Variants in CEP112 observed in about 807,000 individuals in gnomAD.
CEP112 encodes centrosomal protein 112, also known as centrosomal protein of 112 kDa.
Under a neutral mutation model 153.0 loss-of-function variants are expected in CEP112, and 127 were observed. The observed-to-expected ratio is 0.83, with a 90% confidence interval of 0.72 to 0.96. The LOEUF (loss-of-function observed/expected upper bound fraction) is 0.96, where lower values mean the gene tolerates loss of function less well. Ranked by LOEUF, CEP112 falls within the 40% of genes least tolerant of loss-of-function variation. CEP112 has a pLI of 0.00. For synonymous variants in CEP112, 358 were observed against 374.4 expected (o/e 0.96, Z 0.51); for missense variants, 1,089 against 1,101.2 (o/e 0.99, Z 0.16).
At chr17:65,696,017 A>G (rs983271933) in intron 23 of CEP112, among the ~76,000 whole-genome samples, 1 of 152,216 alleles carries the variant, frequency 6.6e-6, no homozygotes, top group Non-Finnish European at 1.5e-5. Flanking sequence ...GCAAATCAAG[A>G]CAGAATCATC....
chr17:65,937,566 T>C (rs1319882871), intron 18 of CEP112, among the ~76,000 whole-genome samples: 7 of 45,134 alleles, frequency 1.6e-4, no homozygotes, highest in African/African-American at 2.1e-4. Context: ...GGGAGGGAGG[T>C]GGGGGGGGTC....
At chr17:65,636,827 G>T (rs576217486) in intron 26 of CEP112, 8 of 300,308 alleles carry the variant, frequency 2.7e-5, no homozygotes, top group Admixed American at 1.9e-4. Flanking sequence ...GGCCAGGCTG[G>T]TCTTGAACTC....
intron 21 of CEP112, among the ~76,000 whole-genome samples, chr17:65,835,756 T>C (rs1169227539): frequency 6.6e-6 from 1 of 152,110 alleles, no homozygotes; most frequent in Admixed American, 6.5e-5. Context: ...AATGCTAACA[T>C]GTAACAAGAA....
intron 21 of CEP112, among the ~76,000 whole-genome samples, chr17:65,783,925 C>G (rs2054133545): frequency 6.6e-6 from 1 of 152,202 alleles, no homozygotes; most frequent in Non-Finnish European, 1.5e-5. Context: ...TGAAGTTAAA[C>G]CAACCTGGGT....
At chr17:65,761,788 A>G (rs1030609028) in intron 21 of CEP112, among the ~76,000 whole-genome samples, 1 of 152,090 alleles carries the variant, frequency 6.6e-6, no homozygotes, top group Admixed American at 6.6e-5. Flanking sequence ...TAAATTTGTT[A>G]AGATACGTTT....
At chr17:65,761,734 T>A (rs1185070272) in intron 21 of CEP112, among the ~76,000 whole-genome samples, 1 of 152,118 alleles carries the variant, frequency 6.6e-6, no homozygotes, top group Admixed American at 6.6e-5. Context: ...CTAGTTTAGT[T>A]CCATTGTGGT....
At chr17:65,813,160 T>C (rs929077282) in intron 21 of CEP112, among the ~76,000 whole-genome samples, 1 of 152,164 alleles carries the variant, frequency 6.6e-6, no homozygotes, top group Non-Finnish European at 1.5e-5. Context: ...CTGGTGTCTC[T>C]CCAGGGGCAA....
At chr17:65,691,786 T>C (rs913576905) in intron 23 of CEP112, among the ~76,000 whole-genome samples, 1 of 152,214 alleles carries the variant, frequency 6.6e-6, no homozygotes, top group Non-Finnish European at 1.5e-5. Flanking sequence ...TAATGATTAC[T>C]GTATTGGGAA....
At chr17:65,991,220 C>T (rs1182661545) in intron 17 of CEP112, among the ~76,000 whole-genome samples, 1 of 152,116 alleles carries the variant, frequency 6.6e-6, no homozygotes, top group Admixed American at 6.5e-5. Context: ...TACTTTTAAT[C>T]GAACTTTGAT....
rs949554389 is a variant in CEP112, at chr17:65,635,645, C to T, written c.*326G>A. 3 of 373,524 alleles carry T rather than the reference C, an allele frequency of 8.0e-6. No homozygotes were observed. The highest frequency in any genetic ancestry group is 6.2e-5 in the African/African-American group (3 of 48,032). 23.1% of individuals were successfully genotyped at this position (373,524 alleles called of 1,614,324 possible). A position where few individuals can be genotyped will look rare whatever the true frequency, so the allele number is the denominator to read the frequency against. The stretch of plus-strand genomic sequence containing the variant: ...CTACAAACGTGATTTTGATCGTACG[C>T]AACTGGTAAAATTCTATGCAAAAGG... On this transcript the variant is annotated 3_prime_UTR_variant, in exon 27 of 27. Coordinates refer to ENST00000535342, the MANE Select transcript of CEP112 (RefSeq NM_001199165.4).
At chr17:65,882,906 C>A (rs1478014829) in intron 20 of CEP112, among the ~76,000 whole-genome samples, 2 of 152,128 alleles carry the variant, frequency 1.3e-5, no homozygotes, top group African/African-American at 2.4e-5. Context: ...TGACCCTACT[C>A]AACTCTTAGT....
chr17:65,702,812 GA>G (rs2048707547), intron 23 of CEP112, among the ~76,000 whole-genome samples: 3 of 152,150 alleles, frequency 2.0e-5, no homozygotes, highest in Non-Finnish European at 1.5e-5. Flanking sequence ...GGCAGGCAAA[GA>G]GACAGAATGT....
At chr17:65,776,004 T>C (rs1216117942) in intron 21 of CEP112, among the ~76,000 whole-genome samples, 1 of 152,226 alleles carries the variant, frequency 6.6e-6, no homozygotes, top group Admixed American at 6.5e-5. Context: ...TGTCAGCCCC[T>C]GACTTCGAAA....
At chr17:66,142,860 TA>T (rs2070766876) in intron 4 of CEP112, among the ~76,000 whole-genome samples, 1 of 152,172 alleles carries the variant, frequency 6.6e-6, no homozygotes, top group Non-Finnish European at 1.5e-5. Flanking sequence ...TGAATTTTCA[TA>T]TTTTTTTTAT....
At chr17:65,861,347 A>C (rs2058303835) in intron 20 of CEP112, among the ~76,000 whole-genome samples, 1 of 152,234 alleles carries the variant, frequency 6.6e-6, no homozygotes, top group African/African-American at 2.4e-5. Context: ...TGGCTTTATG[A>C]CTTCAAAGTA....
At chr17:66,126,679 A>C (rs1194907106) in intron 6 of CEP112, among the ~76,000 whole-genome samples, 1 of 152,184 alleles carries the variant, frequency 6.6e-6, no homozygotes, top group Non-Finnish European at 1.5e-5. Flanking sequence ...TCCTAGAAAA[A>C]ATACTAACAT....
At chr17:65,833,205 C>T (rs910393522) in intron 21 of CEP112, among the ~76,000 whole-genome samples, 2 of 152,088 alleles carry the variant, frequency 1.3e-5, no homozygotes, top group South Asian at 4.2e-4. Context: ...AAGGACCATA[C>T]CTCAAAATAA....
chr17:65,897,074 T>C (rs146309291), intron 20 of CEP112, among the ~76,000 whole-genome samples: 180 of 152,202 alleles, frequency 1.2e-3, no homozygotes, highest in African/African-American at 4.2e-3. Context: ...GTAGCACAGC[T>C]TGGTGTGTAC....
chr17:66,028,669 G>C (rs2065329557), intron 14 of CEP112, among the ~76,000 whole-genome samples: 1 of 151,662 alleles, frequency 6.6e-6, no homozygotes, highest in South Asian at 2.1e-4. Context: ...AGTAAAAATA[G>C]AAATTAAATG....
Sources: allele counts gnomAD v4.1 joint callset (sites outside exome capture counted in the v4.1 genomes callset), GRCh38; gene constraint gnomAD v4.1.1; transcripts MANE v1.5; gene names NCBI Gene and HGNC (gene_info 2026-07-23, HGNC 2026-07-21).